PARD3: variants seen among roughly 807,000 people sequenced by gnomAD.
PARD3 encodes partitioning defective 3 homolog.
A neutral mutation model predicts 155.4 loss-of-function variants in PARD3; 75 were observed. The observed-to-expected ratio is 0.48, with a 90% confidence interval of 0.40 to 0.58. PARD3 has a LOEUF of 0.58. Ranked by LOEUF, PARD3 falls within the 20% of genes least tolerant of loss-of-function variation. The probability of loss-of-function intolerance (pLI) is 0.00; values close to 1 mark genes in which losing one functional copy is unlikely to be tolerated. For synonymous variants in PARD3, 576 were observed against 610.5 expected (o/e 0.94, Z 0.83); for missense variants, 1,642 against 1,721.7 (o/e 0.95, Z 0.82).
rs78946192 is a variant in PARD3, at chr10:34,338,486, C to T, written c.2409-1060G>A. ...CTATCTGGCCAGGTGAGAGAACATC[C>T]CTCTACAGCTAACTGAGCACACTAA... On this transcript the variant is annotated intron_variant, in intron 16 of 24. Transcript: ENST00000374788. Among the ~76,000 whole-genome samples, 677 of 152,276 alleles carry T rather than the reference C, an allele frequency of 4.4e-3. 7 individuals are homozygous for T. The highest frequency in any genetic ancestry group is 0.015 in the African/African-American group (642 of 41,556).
chr10:34,335,081 C>T (rs1434124431), intron 18 of PARD3, among the ~76,000 whole-genome samples: 2 of 151,904 alleles, frequency 1.3e-5, no homozygotes, highest in Non-Finnish European at 2.9e-5. Flanking sequence ...TACTATTTTA[C>T]ATATGTGAAC....
At chr10:34,114,057 G>A (rs1564402353) in intron 24 of PARD3, among the ~76,000 whole-genome samples, 1 of 152,160 alleles carries the variant, frequency 6.6e-6, no homozygotes, top group Non-Finnish European at 1.5e-5. Context: ...AGGAGTTTGA[G>A]ATCAGCCTGG....
chr10:34,598,114 G>A (rs2089456633), intron 2 of PARD3, among the ~76,000 whole-genome samples: 1 of 152,124 alleles, frequency 6.6e-6, no homozygotes. Context: ...AAGTATTCCT[G>A]AGCTGAGAAC....
chr10:34,551,652 G>A (rs1320707189), intron 2 of PARD3, among the ~76,000 whole-genome samples: 1 of 152,204 alleles, frequency 6.6e-6, no homozygotes, highest in African/African-American at 2.4e-5. Flanking sequence ...TGTCGGCAGA[G>A]GCAGAAGGTT....
intron 21 of PARD3, among the ~76,000 whole-genome samples, chr10:34,279,175 C>G (rs1386317324): frequency 8.2e-6 from 1 of 121,786 alleles, no homozygotes; most frequent in Non-Finnish European, 1.6e-5. Context: ...GAGACAAGCT[C>G]TCACTCTGTC....
At position 34,323,711 on chromosome 10, in the gene PARD3, G is replaced by A. The variant is rs565493247; in HGVS notation, c.2834-6373C>T. 2.8e-3 allele frequency among the ~76,000 whole-genome samples: 420 copies of A among 152,256 alleles called. 1 individual carries two copies. Among genetic ancestry groups the A allele is most frequent in the African/African-American group, 9.6e-3 (400 of 41,554 alleles). Reference sequence around the variant, plus strand: ...CTTTAACCCATCCCCCTCAAATGAAGCAGGTAAAATGCTCCCACAGATAAT... The same window carrying A: ...CTTTAACCCATCCCCCTCAAATGAAACAGGTAAAATGCTCCCACAGATAAT... On this transcript the variant is annotated intron_variant, in intron 19 of 24. Transcript: ENST00000374788.
chr10:34,540,782 G>A (rs972165798), intron 2 of PARD3, among the ~76,000 whole-genome samples: 4 of 152,078 alleles, frequency 2.6e-5, no homozygotes, highest in Non-Finnish European at 5.9e-5. Flanking sequence ...ATCCTGTCTC[G>A]GAGGGGACCG....
At chr10:34,459,418 G>T (rs530855822) in intron 4 of PARD3, among the ~76,000 whole-genome samples, 1 of 151,900 alleles carries the variant, frequency 6.6e-6, no homozygotes, top group Non-Finnish European at 1.5e-5. Context: ...TGATCCGCCC[G>T]CCTCGGCCTC....
intron 2 of PARD3, among the ~76,000 whole-genome samples, chr10:34,675,367 C>A (rs910896028): frequency 6.6e-6 from 1 of 152,094 alleles, no homozygotes; most frequent in Admixed American, 6.6e-5. Context: ...ATAATAATAA[C>A]CTAGGTGTCA....
chr10:34,402,469 T>C (rs901749898), intron 5 of PARD3, among the ~76,000 whole-genome samples: 11 of 152,176 alleles, frequency 7.2e-5, no homozygotes, highest in African/African-American at 2.7e-4. Flanking sequence ...TTTACAGGCT[T>C]CATCCCGTAA....
chr10:34,775,650 T>C (rs1188937061), intron 1 of PARD3, among the ~76,000 whole-genome samples: 3 of 152,164 alleles, frequency 2.0e-5, no homozygotes, highest in Non-Finnish European at 4.4e-5. Flanking sequence ...AATGAAGAAA[T>C]TTGGGTGCAA....
intron 16 of PARD3, among the ~76,000 whole-genome samples, chr10:34,337,749 T>C (rs1488918543): frequency 6.6e-6 from 1 of 152,220 alleles, no homozygotes; most frequent in African/African-American, 2.4e-5. Flanking sequence ...GAGCCTGATA[T>C]TAGAACAACT....
chr10:34,165,231 T>C lies in PARD3; in HGVS notation c.3420-33648A>G, dbSNP rs544114017. On this transcript the variant is annotated intron_variant, in intron 22 of 24. Transcript: ENST00000374788. ...CTAGGTCTCACCCAGTTTTCTCTTT[T>C]CTGAGCTGAACTGATCTCAATTTTA... Among the ~76,000 whole-genome samples, 43 of 152,326 alleles carry C rather than the reference T, an allele frequency of 2.8e-4. No individual in the cohort carries two copies. The South Asian group carries it at 8.9e-3, about 32-fold the overall frequency.
At chr10:34,115,541 C>CA (rs1946620926) in intron 24 of PARD3, among the ~76,000 whole-genome samples, 1 of 152,010 alleles carries the variant, frequency 6.6e-6, no homozygotes. Flanking sequence ...TAGTTAATAA[C>CA]AGAGTATTGT....
At chr10:34,255,037 C>T (rs898643117) in intron 22 of PARD3, among the ~76,000 whole-genome samples, 7 of 152,164 alleles carry the variant, frequency 4.6e-5, no homozygotes, top group Non-Finnish European at 7.4e-5. Context: ...TGTTACAAAG[C>T]AGGTATTTTT....
chr10:34,661,291 T>A (rs1241244408), intron 2 of PARD3, among the ~76,000 whole-genome samples: 1 of 152,178 alleles, frequency 6.6e-6, no homozygotes, highest in African/African-American at 2.4e-5. Flanking sequence ...AGCTAACTCA[T>A]CTATAATTAA....
intron 22 of PARD3, among the ~76,000 whole-genome samples, chr10:34,205,729 T>C (rs530253055): frequency 2.6e-5 from 4 of 152,262 alleles, no homozygotes; most frequent in Admixed American, 2.0e-4. Context: ...ACTCACCTCC[T>C]GCACTTCCTC....
intron 1 of PARD3, among the ~76,000 whole-genome samples, chr10:34,723,435 T>A (rs2094641686): frequency 1.3e-5 from 2 of 152,218 alleles, no homozygotes; most frequent in Non-Finnish European, 2.9e-5. Context: ...AAAGTCACTA[T>A]GTTTATTATG....
At chr10:34,303,433 T>C (rs537187959) in intron 20 of PARD3, among the ~76,000 whole-genome samples, 13 of 150,354 alleles carry the variant, frequency 8.6e-5, no homozygotes, top group Non-Finnish European at 1.6e-4. Flanking sequence ...ATTAAGAAAA[T>C]GATTTTATTT....
Sources: gnomAD v4.1 joint callset for allele counts (sites outside exome capture counted in the v4.1 genomes callset) on GRCh38, gnomAD v4.1.1 for gene constraint, MANE v1.5 for transcripts, NCBI Gene and HGNC (gene_info 2026-07-23, HGNC 2026-07-21) for gene names.